SMC5: variants seen among roughly 807,000 people sequenced by gnomAD.
SMC5 encodes the protein structural maintenance of chromosomes protein 5.
Under a neutral mutation model 148.3 loss-of-function variants are expected in SMC5, and 88 were observed. That is an observed-to-expected ratio of 0.59 (90% CI 0.50 to 0.71). SMC5 has a LOEUF of 0.71. Among genes scored for constraint, SMC5 ranks in the 30% least tolerant of loss-of-function variants. The probability of loss-of-function intolerance (pLI) is 0.00; values close to 1 mark genes in which losing one functional copy is unlikely to be tolerated. For missense variants in SMC5, 1,142 were observed against 1,298.9 expected (o/e 0.88, Z 1.86); for synonymous variants, 421 against 432.8 (o/e 0.97, Z 0.34).
chr9:70,270,043 A>G (rs2034400247), intron 3 of SMC5, among the ~76,000 whole-genome samples: 1 of 152,186 alleles, frequency 6.6e-6, no homozygotes, highest in African/African-American at 2.4e-5. Flanking sequence ...CAATTCTGAC[A>G]CTAACCAAAA....
At chr9:70,319,099 A>G in intron 15 of SMC5, 136 bp downstream of exon 15, 1 of 804,552 alleles carries the variant, frequency 1.2e-6, no homozygotes. Flanking sequence ...CTTACTGCAT[A>G]AAACACAATT....
intron 8 of SMC5, 90 bp from the exon 9 acceptor site, chr9:70,297,876 T>C (rs2035241853): frequency 7.0e-7 from 1 of 1,419,590 alleles, no homozygotes; most frequent in Non-Finnish European, 9.5e-7. Context: ...TATGTTAGAT[T>C]GTTTGCATGT....
At chr9:70,339,298 G>A (rs977957429) in intron 17 of SMC5, among the ~76,000 whole-genome samples, 11 of 152,112 alleles carry the variant, frequency 7.2e-5, no homozygotes, top group Admixed American at 2.6e-4. Context: ...GTGTGGTGGC[G>A]GGCGCCTGTA....
intron 11 of SMC5, among the ~76,000 whole-genome samples, chr9:70,306,483 G>C (rs1305988026): frequency 6.6e-6 from 1 of 152,168 alleles, no homozygotes; most frequent in African/African-American, 2.4e-5. Context: ...TTAAAAATTT[G>C]TGTTTGTTAG....
In SMC5 at chr9:70,327,593, G is replaced by T. The variant is rs571360524; in HGVS notation, c.2397+3450G>T. 8.5e-5 allele frequency among the ~76,000 whole-genome samples: 13 copies of T among 152,262 alleles called. No individual in the cohort carries two copies. In the South Asian group the frequency reaches 2.3e-3, roughly 27 times the overall value. On this transcript the variant is annotated intron_variant, in intron 17 of 24. Transcript: ENST00000361138. ...TGTGACTTTGAAAAATGGTTAAATA[G>T]AGAATTTTGCATTTATCCTGAAAAT...
intron 8 of SMC5, among the ~76,000 whole-genome samples, chr9:70,290,991 A>C (rs571570751): frequency 6.6e-6 from 1 of 152,196 alleles, no homozygotes; most frequent in East Asian, 1.9e-4. Flanking sequence ...AAGTGTTACA[A>C]GTTTTTGTTG....
intron 17 of SMC5, among the ~76,000 whole-genome samples, chr9:70,332,517 C>T (rs182181237): frequency 2.0e-5 from 2 of 101,492 alleles, no homozygotes; most frequent in African/African-American, 6.8e-5. Context: ...GAGTGAGACC[C>T]TGTCTCAAAA....
intron 3 of SMC5, among the ~76,000 whole-genome samples, chr9:70,274,823 CA>C (rs1207617702): frequency 2.0e-5 from 3 of 152,066 alleles, no homozygotes; most frequent in Non-Finnish European, 4.4e-5. Context: ...TCCTGCTAAA[CA>C]AAGATTTTAC....
At position 70,267,982 on chromosome 9, in the gene SMC5, G is replaced by A; in HGVS notation, c.380+7G>A. Reference sequence around the variant, plus strand: ...GCATGGTTGAAATTGAATTGTAAGTGTTAAAAGTGCTAAAACTCCTTTTTC... The same window carrying A: ...GCATGGTTGAAATTGAATTGTAAGTATTAAAAGTGCTAAAACTCCTTTTTC... On this transcript the variant is annotated splice_region_variant and intron_variant, in intron 3 of 24. Transcript: ENST00000361138. 1 of 1,607,394 alleles carries A rather than the reference G, an allele frequency of 6.2e-7. No homozygotes were observed. Among genetic ancestry groups the A allele is most frequent in the Admixed American group, 1.7e-5 (1 of 58,974 alleles).
chr9:70,344,291 T>C, intron 18 of SMC5, 22 bp downstream of exon 18: 1 of 1,395,908 alleles, frequency 7.2e-7, no homozygotes, highest in Admixed American at 2.7e-5. Flanking sequence ...AAGTATATAA[T>C]GCTACAATTG....
chr9:70,348,076 A>T, intron 22 of SMC5, 38 bp downstream of exon 22: 19 of 1,453,608 alleles, frequency 1.3e-5, no homozygotes, highest in Non-Finnish European at 1.8e-5. Flanking sequence ...TTTCTGGCAA[A>T]TAATTTTAAT....
intron 6 of SMC5, 116 bp downstream of exon 6, chr9:70,281,015 T>C (rs1320044156): frequency 8.8e-7 from 1 of 1,134,524 alleles, no homozygotes; most frequent in Non-Finnish European, 1.3e-6. Context: ...TTTTTGGCTT[T>C]ATATGTTATA....
At chr9:70,343,112 T>C (rs2036567418) in intron 17 of SMC5, among the ~76,000 whole-genome samples, 1 of 151,500 alleles carries the variant, frequency 6.6e-6, no homozygotes, top group African/African-American at 2.4e-5. Flanking sequence ...ACTAAATGTG[T>C]GGGCTTGGGC....
At chr9:70,279,817 CAAA>C (rs561567100) in intron 5 of SMC5, among the ~76,000 whole-genome samples, 1 of 56,608 alleles carries the variant, frequency 1.8e-5, no homozygotes, top group African/African-American at 6.6e-5. Flanking sequence ...AACTCCGTTT[CAAA>C]AAAAAAAAAA....
intron 17 of SMC5, among the ~76,000 whole-genome samples, chr9:70,337,468 T>G (rs1390542400): frequency 6.8e-6 from 1 of 146,834 alleles, no homozygotes; most frequent in Non-Finnish European, 1.5e-5. Flanking sequence ...TTTTTTTTTT[T>G]TTTTTTGGAG....
intron 10 of SMC5, among the ~76,000 whole-genome samples, chr9:70,302,448 A>T (rs2035382740): frequency 6.6e-6 from 1 of 151,870 alleles, no homozygotes; most frequent in Non-Finnish European, 1.5e-5. Flanking sequence ...AGCTGAGATC[A>T]CACTGCTACA....
chr9:70,350,331 C>T (rs773184243), intron 23 of SMC5, 38 bp downstream of exon 23: 1 of 1,609,714 alleles, frequency 6.2e-7, no homozygotes, highest in South Asian at 1.1e-5. Context: ...CTTCTTATAT[C>T]CTGTAACAGG....
At chr9:70,306,103 G>A (rs966728119) in intron 11 of SMC5, among the ~76,000 whole-genome samples, 2 of 152,144 alleles carry the variant, frequency 1.3e-5, no homozygotes, top group Admixed American at 6.5e-5. Flanking sequence ...GTAGTATAAT[G>A]TATTAGCTAT....
At chr9:70,339,101 C>A (rs1207103955) in intron 17 of SMC5, among the ~76,000 whole-genome samples, 1 of 152,086 alleles carries the variant, frequency 6.6e-6, no homozygotes, top group African/African-American at 2.4e-5. Flanking sequence ...ATGTTTGTTG[C>A]TGTCTGATCG....
Sources: gnomAD v4.1 joint callset for allele counts (sites outside exome capture counted in the v4.1 genomes callset) on GRCh38, gnomAD v4.1.1 for gene constraint, MANE v1.5 for transcripts, NCBI Gene and HGNC (gene_info 2026-07-23, HGNC 2026-07-21) for gene names.